BUB1B: variants seen among roughly 807,000 people sequenced by gnomAD.
BUB1B encodes BUB1 mitotic checkpoint serine/threonine kinase B.
Under a neutral mutation model 137.7 loss-of-function variants are expected in BUB1B, and 86 were observed. The observed-to-expected ratio is 0.62, with a 90% CI of 0.52 to 0.75. The LOEUF is 0.75. BUB1B is among the 30% of genes least tolerant of loss of function. The pLI, the probability that BUB1B is intolerant of heterozygous loss-of-function variation, is 0.00. For missense variants in BUB1B, 1,130 were observed against 1,236.9 expected, an observed-to-expected ratio of 0.91 and a Z score of 1.30; for synonymous variants, 420 against 417.9, an observed-to-expected ratio of 1.00 and a Z score of -0.06.
At chr15:40,170,829 T>C (rs1034702239) in intron 4 of BUB1B, 148 bp downstream of exon 4, 1 of 814,032 alleles carries the variant, frequency 1.2e-6, no homozygotes, top group African/African-American at 1.7e-5. Flanking sequence ...CAATACTTCT[T>C]AAATTGGTTC....
intron 5 of BUB1B, 56 bp downstream of exon 5, chr15:40,176,729 C>CT: frequency 1.3e-6 from 2 of 1,565,204 alleles, no homozygotes; most frequent in Non-Finnish European, 8.8e-7. Flanking sequence ...TAAATTATCT[C>CT]TTTTTTGCAT....
In BUB1B at chr15:40,210,113, A is replaced by G; in HGVS notation, c.2288A>G (p.Asn763Ser). 3 of 1,604,866 alleles carry G rather than the reference A, an allele frequency of 1.9e-6. No individual in the cohort carries two copies. The highest frequency in any genetic ancestry group is 1.7e-6 in the Non-Finnish European group (2 of 1,171,824). ...LEIEKEIELG[N>S]EDYCIKREYL... ...TGGAATCAAACTTTCTCAACAGGTA[A>G]TGAGGATTACTGCATTAAACGAGAA... Residue 763 changes from asparagine to serine, a missense_variant, in exon 18 of 23, where the codon AAT (asparagine) becomes AGT (serine). Transcript: ENST00000287598.
At chr15:40,180,629 C>CTTT (rs375784688) in intron 5 of BUB1B, among the ~76,000 whole-genome samples, 84 of 125,530 alleles carry the variant, frequency 6.7e-4, no homozygotes, top group African/African-American at 2.3e-3. Context: ...TCCTTGGTTT[C>CTTT]TTTTTTCTTT....
At chr15:40,191,279 G>A (rs763464210) in intron 8 of BUB1B, among the ~76,000 whole-genome samples, 1 of 152,132 alleles carries the variant, frequency 6.6e-6, no homozygotes, top group African/African-American at 2.4e-5. Flanking sequence ...AACTGAAACT[G>A]CTGAAAATGA....
chr15:40,194,955 G>A (rs1372865323), intron 8 of BUB1B, among the ~76,000 whole-genome samples: 1 of 152,166 alleles, frequency 6.6e-6, no homozygotes, highest in Non-Finnish European at 1.5e-5. Context: ...TATCATAGCA[G>A]AGGTGGTACT....
In BUB1B at chr15:40,220,900, T is replaced by G; in HGVS notation, c.*141T>G. On this transcript the variant is annotated 3_prime_UTR_variant, in exon 23 of 23. Transcript: ENST00000287598. ...TGTTCTACTTTTTGGTACAGGTATA[T>G]TTTGACGTCACTGATATTTTTTATA... The G allele has an allele frequency of 2.2e-6, 2 of 892,252 alleles. No individual in the cohort carries two copies. 55.3% of individuals were successfully genotyped at this position (892,252 alleles called of 1,614,324 possible). A position where few individuals can be genotyped will look rare whatever the true frequency, so the allele number is the denominator to read the frequency against.
chr15:40,161,402 G>A, intron 1 of BUB1B, 147 bp downstream of exon 1: 1 of 968,170 alleles, frequency 1.0e-6, no homozygotes, highest in Non-Finnish European at 1.4e-6. Context: ...GGAGTAGAAT[G>A]CCGGAGGTGG....
At chr15:40,166,096 G>A (rs1018247841) in intron 2 of BUB1B, among the ~76,000 whole-genome samples, 2 of 152,070 alleles carry the variant, frequency 1.3e-5, no homozygotes, top group African/African-American at 4.8e-5. Context: ...CAAGTGATCC[G>A]CCCACCTTGG....
rs765044237 is a variant in BUB1B, at chr15:40,200,926, T to C, written c.1518-5T>C. 1.2e-6 allele frequency: 2 copies of C among 1,613,104 alleles called. No homozygotes were observed. The highest frequency in any genetic ancestry group is 2.7e-5 in the African/African-American group (2 of 74,920). ...GCACATGATTTAAAACAAGTTTCTT[T>C]ACAGAGAAACTTCACTTGCGGAGAA... On this transcript the variant is annotated splice_region_variant and splice_polypyrimidine_tract_variant and intron_variant, in intron 11 of 22. Transcript: ENST00000287598.
chr15:40,200,826 T>TA, intron 11 of BUB1B, 105 bp from the exon 12 acceptor site: 1 of 918,782 alleles, frequency 1.1e-6, no homozygotes, highest in South Asian at 1.5e-5. Flanking sequence ...TAATTTATCT[T>TA]AGAGTAAATA....
At position 40,206,464 on chromosome 15, in the gene BUB1B, T is replaced by A. The variant is rs1176463548; in HGVS notation, c.2009+6T>A. ...CTCAGCATCAAGAAGCTGAGGTGAT[T>A]GGGGATTTACAGGTTTTACAAACCA... is the stretch of plus-strand genomic sequence containing the variant. On this transcript the variant is annotated splice_donor_region_variant and intron_variant, in intron 15 of 22. Coordinates refer to ENST00000287598, the MANE Select transcript of BUB1B (RefSeq NM_001211.6). The A allele has an allele frequency of 6.2e-7, 1 of 1,614,090 alleles. No homozygotes were observed. The highest frequency in any genetic ancestry group is 1.7e-4 in the Middle Eastern group (1 of 6,060).
chr15:40,165,036 T>C lies in BUB1B; in HGVS notation c.36-17T>C, dbSNP rs767855959. The C allele has an allele frequency of 6.2e-7, 1 of 1,611,470 alleles. No individual in the cohort carries two copies. Among genetic ancestry groups the C allele is most frequent in the Admixed American group, 1.7e-5 (1 of 59,992 alleles). On this transcript the variant is annotated splice_polypyrimidine_tract_variant and intron_variant, in intron 1 of 22. Transcript: ENST00000287598. ...TCAATGTTGGTATGAGATTTACATT[T>C]GTTTCCTTCTTCACAGTGAAGCCAT...
chr15:40,174,957 C>A (rs957868295), intron 4 of BUB1B, among the ~76,000 whole-genome samples: 2 of 151,572 alleles, frequency 1.3e-5, no homozygotes, highest in Non-Finnish European at 1.5e-5. Context: ...GAGTGAGACT[C>A]TGTCTCAAAA....
At chr15:40,218,915 A>G (rs112344187) in intron 22 of BUB1B, among the ~76,000 whole-genome samples, 1 of 151,978 alleles carries the variant, frequency 6.6e-6, no homozygotes, top group Admixed American at 6.6e-5. Flanking sequence ...CTTTTTCTTT[A>G]TTTATTTATT....
At position 40,200,337 on chromosome 15, in the gene BUB1B, T is replaced by G. The variant is rs2140900669; in HGVS notation, c.1495T>G (p.Cys499Gly). 6.2e-7 allele frequency: 1 copy of G among 1,613,872 alleles called. No homozygotes were observed. The highest frequency in any genetic ancestry group is 2.2e-5 in the East Asian group (1 of 44,850). ...AGGAATGACTCTATCCAGTTCTGTT[T>G]GTCAAGTAAACTGTTGTGCCAGGTA... The part of the protein sequence containing the change: ...IPGMTLSSSV[C>G]QVNCCARETS... Residue 499 changes from cysteine (C) to glycine (G), a missense_variant, in exon 11 of 23, where the codon TGT (cysteine) becomes GGT (glycine). By Grantham distance (159) the Cys-to-Gly change is radical. Transcript: ENST00000287598.
At chr15:40,209,444 T>C (rs962990611) in intron 16 of BUB1B, among the ~76,000 whole-genome samples, 191 bp from the exon 17 acceptor site, 1 of 152,222 alleles carries the variant, frequency 6.6e-6, no homozygotes, top group South Asian at 2.1e-4. Flanking sequence ...CCATAAATTG[T>C]GAAATTTCTA....
chr15:40,163,874 A>G (rs73389507), intron 1 of BUB1B, among the ~76,000 whole-genome samples: 8,809 of 152,278 alleles, frequency 0.058, 827 homozygotes, highest in African/African-American at 0.2. Context: ...AGCTGTCTCC[A>G]ACGAGTTTTC....
At chr15:40,181,575 C>T (rs891484826) in intron 5 of BUB1B, among the ~76,000 whole-genome samples, 3 of 152,118 alleles carry the variant, frequency 2.0e-5, no homozygotes, top group African/African-American at 7.2e-5. Context: ...CCATTTCCCC[C>T]GACTCTGCTA....
In BUB1B at chr15:40,196,724, A is replaced by G; in HGVS notation, c.1238A>G (p.Glu413Gly). The G allele has an allele frequency of 6.2e-7, 1 of 1,614,104 alleles. No individual in the cohort carries two copies. Among genetic ancestry groups the G allele is most frequent in the Non-Finnish European group, 8.5e-7 (1 of 1,179,942 alleles). The change falls in exon 9 of 23, where the codon GAA becomes GGA. Residue 413 changes from glutamate (E) to glycine (G), a missense_variant. Physicochemically the swap from Glu to Gly is moderately conservative, Grantham distance 98. Coordinates refer to ENST00000287598, the MANE Select transcript of BUB1B (RefSeq NM_001211.6). Reference protein sequence around the residue: ...IYAGVGEFSFEEIRAEVFRKK... With the variant: ...IYAGVGEFSFGEIRAEVFRKK... ...GCAGGAGTAGGGGAATTCTCCTTTG[A>G]AGAAATTCGGGCTGAAGTTTTCCGG...
Sources: allele counts gnomAD v4.1 joint callset (sites outside exome capture counted in the v4.1 genomes callset), GRCh38; gene constraint gnomAD v4.1.1; transcripts MANE v1.5; gene names NCBI Gene and HGNC (gene_info 2026-07-23, HGNC 2026-07-21).